The following TMEM45B variants were observed in gnomAD, a reference collection of about 807,000 sequenced individuals.
TMEM45B encodes transmembrane protein 45B.
TMEM45B carries 29 observed loss-of-function variants against 27.3 expected under a neutral mutation model. The ratio of observed to expected loss-of-function variants is 1.06; its 90% CI spans 0.79 to 1.45. The LOEUF (loss-of-function observed/expected upper bound fraction) is 1.45, where lower values mean the gene tolerates loss of function less well. Ranked by LOEUF, TMEM45B falls within the 40% of genes most tolerant of loss-of-function variation. The pLI is 0.00. For missense variants in TMEM45B, 348 were observed against 343.9 expected, an observed-to-expected ratio of 1.01 and a Z score of -0.09; for synonymous variants, 143 against 134.7, an observed-to-expected ratio of 1.06 and a Z score of -0.43.
rs1231207210 is a variant in TMEM45B at position 129,855,785 on chromosome 11, T to C, written c.463T>C (p.Phe155Leu). The change falls in exon 4 of 6, where the codon TTC becomes CTC. Residue 155 changes from phenylalanine to leucine, a missense_variant. Coordinates refer to ENST00000281441, the MANE Select transcript of TMEM45B (RefSeq NM_138788.5). ...HIHSLLLYAL[F>L]GGCVSISLEV... is the part of the protein sequence containing the mutation. ...CCACTCACTCCTGCTGTATGCTCTG[T>C]TCGGAGGGTGTGTTAGTATCTCCCT... The C allele has an allele frequency of 6.2e-7, 1 of 1,614,140 alleles. No homozygotes were observed. The highest frequency in any genetic ancestry group is 8.5e-7 in the Non-Finnish European group (1 of 1,180,026).
intron 1 of TMEM45B, among the ~76,000 whole-genome samples, chr11:129,847,056 G>T (rs926452823): frequency 6.6e-6 from 1 of 152,198 alleles, no homozygotes; most frequent in African/African-American, 2.4e-5. Flanking sequence ...TTCAACAAAC[G>T]AGTATAATGC....
chr11:129,817,251 G>A (rs183061707), intron 1 of TMEM45B, among the ~76,000 whole-genome samples: 157 of 152,244 alleles, frequency 1.0e-3, no homozygotes, highest in Non-Finnish European at 1.8e-3. Flanking sequence ...AACCAGATGT[G>A]TAATATCTTC....
chr11:129,817,727 C>T (rs547836875), intron 1 of TMEM45B, among the ~76,000 whole-genome samples: 1 of 152,328 alleles, frequency 6.6e-6, no homozygotes, highest in Admixed American at 6.5e-5. Context: ...TTGAATCTCA[C>T]ATTTGGCACC....
chr11:129,818,935 C>T (rs896508675), intron 1 of TMEM45B, among the ~76,000 whole-genome samples: 23 of 152,164 alleles, frequency 1.5e-4, no homozygotes, highest in African/African-American at 5.1e-4. Context: ...GATTTTTGCT[C>T]CTTCTGTCAT....
Position 129,858,734 on chromosome 11 carries a change from G to C in TMEM45B, c.*49G>C. ...GTCCCACTGCACAGCTGGAATGAATGGAGTTCATCCCCTCCACCTGAATGC... is the reference window on the plus strand; with the variant it reads ...GTCCCACTGCACAGCTGGAATGAATCGAGTTCATCCCCTCCACCTGAATGC... On this transcript the variant is annotated 3_prime_UTR_variant, in exon 6 of 6. Coordinates refer to ENST00000281441, the MANE Select transcript of TMEM45B (RefSeq NM_138788.5). 7 of 1,361,716 alleles carry C rather than the reference G, an allele frequency of 5.1e-6. No homozygotes were observed. The highest frequency in any genetic ancestry group is 7.1e-6 in the Non-Finnish European group (7 of 979,358). The allele number at this position is 1,361,716 out of a possible 1,614,324, so 84.4% of individuals were successfully genotyped here.
chr11:129,851,863 C>A (rs1442918050), intron 1 of TMEM45B, among the ~76,000 whole-genome samples: 3 of 152,184 alleles, frequency 2.0e-5, no homozygotes, highest in Non-Finnish European at 4.4e-5. Context: ...TTGTACTAGA[C>A]CACCACACCA....
rs575944944 is a variant in TMEM45B at position 129,837,446 on chromosome 11, C to T, written c.-8-15029C>T. ...GATTACAGGTGCCCACGACCATGCCCGGCTAATTTTTGTATTTTTAGTAAG... is the reference window on the plus strand; with the variant it reads ...GATTACAGGTGCCCACGACCATGCCTGGCTAATTTTTGTATTTTTAGTAAG... On this transcript the variant is annotated intron_variant, in intron 1 of 5. Transcript: ENST00000281441. Among the ~76,000 whole-genome samples the T allele has an allele frequency of 2.1e-3, 315 of 151,672 alleles. 1 individual carries two copies. Among genetic ancestry groups the T allele is most frequent in the African/African-American group, 6.8e-3 (280 of 41,378 alleles).
At chr11:129,851,034 G>T (rs985679792) in intron 1 of TMEM45B, among the ~76,000 whole-genome samples, 1 of 152,160 alleles carries the variant, frequency 6.6e-6, no homozygotes, top group South Asian at 2.1e-4. Flanking sequence ...ACGCAGACTG[G>T]GTAATTTATA....
rs114744090 is a variant in TMEM45B at position 129,844,154 on chromosome 11, T to C, written c.-8-8321T>C. Among the ~76,000 whole-genome samples, 601 of 152,280 alleles carry C rather than the reference T, an allele frequency of 3.9e-3. 1 individual carries two copies. Among genetic ancestry groups the C allele is most frequent in the African/African-American group, 0.014 (568 of 41,564 alleles). ...GGAAATCCTGCTATTTGCAACAACATGGATGAACCTTGAAGACCTTATACT... is the reference window on the plus strand; with the variant it reads ...GGAAATCCTGCTATTTGCAACAACACGGATGAACCTTGAAGACCTTATACT... On this transcript the variant is annotated intron_variant, in intron 1 of 5. Coordinates refer to ENST00000281441, the MANE Select transcript of TMEM45B (RefSeq NM_138788.5).
Position 129,859,558 on chromosome 11 carries a change from C to T in TMEM45B, c.*873C>T, listed in dbSNP as rs948175622. The T allele has an allele frequency of 3.9e-5, 6 of 152,022 alleles. No homozygotes were observed. Among genetic ancestry groups the T allele is most frequent in the South Asian group, 2.1e-4 (1 of 4,822 alleles). The allele number at this position is 152,022 out of a possible 1,614,324, so 9.4% of individuals were successfully genotyped here. A position where few individuals can be genotyped will look rare whatever the true frequency, so the allele number is the denominator to read the frequency against. On this transcript the variant is annotated 3_prime_UTR_variant, in exon 6 of 6. Transcript: ENST00000281441. ...TTTTTTAAAAAAACTTCCTTCACCGCGCCTATAATCCTAGCACTTTGGGAG... is the reference window on the plus strand; with the variant it reads ...TTTTTTAAAAAAACTTCCTTCACCGTGCCTATAATCCTAGCACTTTGGGAG...
chr11:129,852,404 G>T (rs1591451124), intron 1 of TMEM45B, 71 bp from the exon 2 acceptor site: 3 of 1,398,810 alleles, frequency 2.1e-6, no homozygotes, highest in East Asian at 4.6e-5. Flanking sequence ...CACGTATTGT[G>T]TTTCCTGCCA....
At chr11:129,854,389 A>C (rs1248150976) in intron 2 of TMEM45B, among the ~76,000 whole-genome samples, 3 of 152,044 alleles carry the variant, frequency 2.0e-5, no homozygotes, top group Non-Finnish European at 2.9e-5. Flanking sequence ...CAAACCCCTA[A>C]AAGGAACAAC....
rs754785621 is a variant in TMEM45B at position 129,852,572 on chromosome 11, T to C, written c.90T>C (p.Phe30=). ...CWSVKYPLKY[F]SHTRKNSPLH... ...CAGTGAAGTACCCGCTGAAGTACTT[T>C]AGCCACACGCGGAAGAACAGCCCAC... The change falls in exon 2 of 6, where the codon TTT becomes TTC. Residue 30 remains phenylalanine (F), a synonymous_variant. Transcript: ENST00000281441. 5.0e-6 allele frequency: 8 copies of C among 1,613,872 alleles called. No homozygotes were observed. Among genetic ancestry groups the C allele is most frequent in the Non-Finnish European group, 5.9e-6 (7 of 1,179,916 alleles).
intron 1 of TMEM45B, 21 bp downstream of exon 1, chr11:129,815,919 G>A: frequency 5.5e-6 from 7 of 1,271,526 alleles, no homozygotes; most frequent in Non-Finnish European, 6.9e-6. Context: ...CGTACCCGCA[G>A]GGGGCTCGAA....
intron 2 of TMEM45B, among the ~76,000 whole-genome samples, chr11:129,853,467 G>C (rs1230763525): frequency 1.3e-5 from 2 of 152,226 alleles, no homozygotes; most frequent in African/African-American, 2.4e-5. Context: ...TCATCCTGCT[G>C]AATGTCCCCA....
chr11:129,857,572 C>A, intron 5 of TMEM45B, 114 bp downstream of exon 5: 1 of 1,207,688 alleles, frequency 8.3e-7, no homozygotes, highest in Non-Finnish European at 1.2e-6. Context: ...GCAAGGTACT[C>A]TCATGCAGGG....
chr11:129,845,674 C>T (rs1947752088), intron 1 of TMEM45B, among the ~76,000 whole-genome samples: 1 of 152,094 alleles, frequency 6.6e-6, no homozygotes, highest in South Asian at 2.1e-4. Context: ...AATATAACCA[C>T]ACCAATAATT....
chr11:129,847,407 A>ATTTGTTTTTT (rs1555072230), intron 1 of TMEM45B, among the ~76,000 whole-genome samples: 1 of 67,882 alleles, frequency 1.5e-5, no homozygotes, highest in Non-Finnish European at 3.5e-5. Flanking sequence ...TTATGAAGTT[A>ATTTGTTTTTT]TTTTTTTTTA....
chr11:129,838,337 G>A (rs1209283744), intron 1 of TMEM45B, among the ~76,000 whole-genome samples: 2 of 152,100 alleles, frequency 1.3e-5, no homozygotes, highest in African/African-American at 4.8e-5. Flanking sequence ...AGAAGCCAGG[G>A]CGCCACCACC....
Sources: gnomAD v4.1 joint callset for allele counts (sites outside exome capture counted in the v4.1 genomes callset) on GRCh38, gnomAD v4.1.1 for gene constraint, MANE v1.5 for transcripts, NCBI Gene and HGNC (gene_info 2026-07-23, HGNC 2026-07-21) for gene names.